ANKRD12: variants seen among roughly 807,000 people sequenced by gnomAD.
ANKRD12 encodes ankyrin repeat domain 12, also known as ankyrin repeat domain-containing protein 12.
In ANKRD12, 85 loss-of-function variants were observed where a neutral mutation model predicts 183.4. The ratio of observed to expected loss-of-function variants is 0.46; its 90% confidence interval spans 0.39 to 0.56. ANKRD12 has a LOEUF of 0.56. Ranked by LOEUF, ANKRD12 falls within the 20% of genes least tolerant of loss-of-function variation. ANKRD12 has a pLI of 0.00. For missense variants in ANKRD12, 2,405 were observed against 2,357.1 expected (o/e 1.02, Z -0.42); for synonymous variants, 914 against 800.2 (o/e 1.14, Z -2.40).
intron 1 of ANKRD12, among the ~76,000 whole-genome samples, chr18:9,148,706 A>G (rs1159384622): frequency 6.6e-6 from 1 of 152,088 alleles, no homozygotes; most frequent in African/African-American, 2.4e-5. Flanking sequence ...CCCCGCCACA[A>G]TCTGGTCATT....
At chr18:9,202,989 A>G (rs2035264491) in intron 3 of ANKRD12, among the ~76,000 whole-genome samples, 1 of 152,224 alleles carries the variant, frequency 6.6e-6, no homozygotes, top group African/African-American at 2.4e-5. Context: ...GGTTTAATCT[A>G]TTAAAATAAT....
In ANKRD12 at chr18:9,279,624, G is replaced by A; in HGVS notation, c.5983G>A (p.Asp1995Asn). 5 of 1,592,316 alleles carry A rather than the reference G, an allele frequency of 3.1e-6. No individual in the cohort carries two copies. The highest frequency in any genetic ancestry group is 4.3e-6 in the Non-Finnish European group (5 of 1,169,648). The change falls in exon 12 of 13, where the codon GAT (aspartate) becomes AAT (asparagine). Residue 1995 changes from aspartate to asparagine, a missense_variant. By Grantham distance (23) the Asp-to-Asn change is conservative. Transcript: ENST00000262126. ...CATGTCTTGGTTACAAGATGTGGAT[G>A]ATAAATTTGACAAATTAAAGGTATG... ...QFMSWLQDVDDKFDKLKTCLL... is the reference protein window; with the variant it reads ...QFMSWLQDVDNKFDKLKTCLL...
intron 8 of ANKRD12, among the ~76,000 whole-genome samples, chr18:9,239,050 G>T (rs1006484603): frequency 1.3e-5 from 2 of 152,142 alleles, no homozygotes; most frequent in South Asian, 4.1e-4. Flanking sequence ...ACTTGAGCCT[G>T]GGAGGTCGAG....
chr18:9,211,909 T>A, intron 6 of ANKRD12, 125 bp downstream of exon 6: 1 of 833,820 alleles, frequency 1.2e-6, no homozygotes, highest in Non-Finnish European at 1.8e-6. Context: ...TACTCTTTAT[T>A]ACAAAACTTT....
intron 8 of ANKRD12, among the ~76,000 whole-genome samples, chr18:9,236,387 A>G (rs2037346691): frequency 6.9e-6 from 1 of 144,006 alleles, no homozygotes; most frequent in African/African-American, 2.6e-5. Flanking sequence ...CCTAAGTGAA[A>G]CTATTAGAGG....
rs2033666152 is a variant in ANKRD12, at chr18:9,181,077, A to G, written c.-51-1305A>G. On this transcript the variant is annotated intron_variant, in intron 1 of 12. Transcript: ENST00000262126. ...GTTTATACGTTAATGAAATGGTTGAATGGCCCCAAGGTAAGTTCTGCTTCT... is the reference window on the plus strand; with the variant it reads ...GTTTATACGTTAATGAAATGGTTGAGTGGCCCCAAGGTAAGTTCTGCTTCT... Among the ~76,000 whole-genome samples the G allele has an allele frequency of 1.3e-5, 2 of 152,194 alleles. 1 individual carries two copies. Among genetic ancestry groups the G allele is most frequent in the South Asian group, 4.1e-4 (2 of 4,832 alleles).
chr18:9,232,805 TTTTC>T (rs1444335083), intron 8 of ANKRD12, among the ~76,000 whole-genome samples: 3 of 152,044 alleles, frequency 2.0e-5, no homozygotes, highest in Non-Finnish European at 2.9e-5. Context: ...ATTCTTTTTT[TTTTC>T]TTTCTTTATT....
chr18:9,256,564 G>A lies in ANKRD12; in HGVS notation c.3297G>A (p.Lys1099=). 6.3e-7 allele frequency: 1 copy of A among 1,594,892 alleles called. No individual in the cohort carries two copies. Among genetic ancestry groups the A allele is most frequent in the Admixed American group, 1.8e-5 (1 of 54,778 alleles). ...TAGAACAGTGGCACAAAAAACATAA[G>A]GAAAAAATTAAGCAAAAAGAAAAGG... ...LEIEQWHKKH[K]EKIKQKEKER... Residue 1099 remains lysine, a synonymous_variant, in exon 9 of 13, where the codon AAG becomes AAA. Coordinates refer to ENST00000262126, the MANE Select transcript of ANKRD12 (RefSeq NM_015208.5).
At chr18:9,172,026 A>AT (rs71356302) in intron 1 of ANKRD12, among the ~76,000 whole-genome samples, 2 of 28,474 alleles carry the variant, frequency 7.0e-5, no homozygotes, top group East Asian at 4.2e-3. Flanking sequence ...GCTCCACCTC[A>AT]AAAAAAAAAA....
intron 8 of ANKRD12, among the ~76,000 whole-genome samples, chr18:9,234,737 A>C (rs534590457): frequency 2.8e-4 from 42 of 152,236 alleles, no homozygotes; most frequent in African/African-American, 7.2e-4. Flanking sequence ...AGGCGGGGAA[A>C]GGGGATAGTG....
At chr18:9,203,900 C>T (rs1345320031) in intron 3 of ANKRD12, among the ~76,000 whole-genome samples, 10 of 152,144 alleles carry the variant, frequency 6.6e-5, no homozygotes, top group Admixed American at 2.6e-4. Flanking sequence ...CCACTGTGCC[C>T]GGCCAGAATT....
intron 2 of ANKRD12, among the ~76,000 whole-genome samples, 196 bp from the exon 3 acceptor site, chr18:9,195,355 T>C (rs943176580): frequency 1.3e-5 from 2 of 152,090 alleles, no homozygotes; most frequent in Admixed American, 1.3e-4. Context: ...AATATAAAAT[T>C]ATGTTATTAA....
chr18:9,196,386 T>C (rs2034825948), intron 3 of ANKRD12, among the ~76,000 whole-genome samples: 1 of 152,198 alleles, frequency 6.6e-6, no homozygotes, highest in African/African-American at 2.4e-5. Flanking sequence ...AGCCCTGAAC[T>C]AACCGATTTT....
Position 9,218,877 on chromosome 18 carries a change from T to G in ANKRD12, c.795+1977T>G, listed in dbSNP as rs139586294. 1.5e-3 allele frequency among the ~76,000 whole-genome samples: 231 copies of G among 152,136 alleles called. 1 individual carries two copies. The highest frequency in any genetic ancestry group is 5.2e-3 in the African/African-American group (215 of 41,524). ...AGAGACCCTGTGTTGTTCAGGCTGG[T>G]CTTGAACTCATGAGCTCAAGCGATC... On this transcript the variant is annotated intron_variant, in intron 7 of 12. Transcript: ENST00000262126.
chr18:9,163,182 A>G (rs1046435447), intron 1 of ANKRD12, among the ~76,000 whole-genome samples: 3 of 152,200 alleles, frequency 2.0e-5, no homozygotes, highest in South Asian at 2.1e-4. Context: ...TGGGTTTTAC[A>G]TTGAAGTCTT....
intron 2 of ANKRD12, among the ~76,000 whole-genome samples, chr18:9,189,002 G>A (rs2034286488): frequency 6.6e-6 from 1 of 152,242 alleles, no homozygotes; most frequent in South Asian, 2.1e-4. Context: ...ATTAAGCTTA[G>A]TGAGGAAGGT....
At chr18:9,163,718 A>G (rs962158048) in intron 1 of ANKRD12, among the ~76,000 whole-genome samples, 2 of 151,882 alleles carry the variant, frequency 1.3e-5, no homozygotes, top group Non-Finnish European at 2.9e-5. Context: ...TTGACCAGTG[A>G]TTTGTACTTC....
In ANKRD12 at chr18:9,282,576, T is replaced by A. The variant is rs1235711206; in HGVS notation, c.*1450T>A. On this transcript the variant is annotated 3_prime_UTR_variant, in exon 13 of 13. Transcript: ENST00000262126. ...TGTTAGACATTTTTGAAAGGAAAAT[T>A]AGGTTAGCGTACAATTTATCATAAA... The A allele has an allele frequency of 6.6e-6, 1 of 152,478 alleles. No individual in the cohort carries two copies. Among genetic ancestry groups the A allele is most frequent in the African/African-American group, 2.4e-5 (1 of 41,428 alleles). 9.4% of individuals were successfully genotyped at this position (152,478 alleles called of 1,614,324 possible). A position where few individuals can be genotyped will look rare whatever the true frequency, so the allele number is the denominator to read the frequency against.
chr18:9,210,000 G>C (rs2035701580), intron 5 of ANKRD12, among the ~76,000 whole-genome samples: 1 of 151,796 alleles, frequency 6.6e-6, no homozygotes, highest in African/African-American at 2.4e-5. Flanking sequence ...TTTTGTTATG[G>C]GTTAATTTTT....
Sources: gnomAD v4.1 joint callset for allele counts (sites outside exome capture counted in the v4.1 genomes callset) on GRCh38, gnomAD v4.1.1 for gene constraint, MANE v1.5 for transcripts, NCBI Gene and HGNC (gene_info 2026-07-23, HGNC 2026-07-21) for gene names.